Variants in CFAP299 observed in about 807,000 individuals in gnomAD.
The protein encoded by CFAP299 is cilia- and flagella-associated protein 299.
In CFAP299, 21 loss-of-function variants were observed where a neutral mutation model predicts 27.0. The observed-to-expected ratio is 0.78, with a 90% CI of 0.55 to 1.12. The LOEUF (loss-of-function observed/expected upper bound fraction) is 1.12, where lower values mean the gene tolerates loss of function less well. CFAP299 is among the 50% of genes most tolerant of loss of function. CFAP299 has a pLI of 0.00. For missense variants in CFAP299, 310 were observed against 276.6 expected, an observed-to-expected ratio of 1.12 and a Z score of -0.86; for synonymous variants, 104 against 98.1, an observed-to-expected ratio of 1.06 and a Z score of -0.36.
At chr4:80,615,142 T>A (rs189317698) in intron 3 of CFAP299, among the ~76,000 whole-genome samples, 2 of 152,326 alleles carry the variant, frequency 1.3e-5, no homozygotes, top group East Asian at 3.9e-4. Context: ...AGCCACTAAC[T>A]TTTGACTAAT....
chr4:80,633,411 G>A lies in CFAP299; in HGVS notation c.333+50228G>A, dbSNP rs189315621. Among the ~76,000 whole-genome samples, 30 of 152,146 alleles carry A rather than the reference G, an allele frequency of 2.0e-4. No individual in the cohort carries two copies. The East Asian group carries it at 5.8e-3, about 29-fold the overall frequency. ...CCGAGTGTCACGAGTGGAGTGTCAC[G>A]CCACTGCAATCCAGCCTGGGTGACA... On this transcript the variant is annotated intron_variant, in intron 3 of 5. Transcript: ENST00000358105.
At chr4:80,439,370 T>A (rs1276675058) in intron 2 of CFAP299, among the ~76,000 whole-genome samples, 2 of 152,036 alleles carry the variant, frequency 1.3e-5, no homozygotes, top group African/African-American at 4.8e-5. Flanking sequence ...TTGGGACTGG[T>A]TAGACAGTGG....
intron 3 of CFAP299, among the ~76,000 whole-genome samples, chr4:80,584,082 G>T: frequency 6.6e-6 from 1 of 151,874 alleles, no homozygotes; most frequent in Non-Finnish European, 1.5e-5. Context: ...AATTAACCCC[G>T]ACTTAAAATA....
intron 2 of CFAP299, among the ~76,000 whole-genome samples, chr4:80,566,222 T>C (rs1351936524): frequency 6.6e-6 from 1 of 152,116 alleles, no homozygotes; most frequent in Non-Finnish European, 1.5e-5. Context: ...TCAAGTTTTA[T>C]TAAAGGAGTA....
chr4:80,525,953 G>A (rs1733153609), intron 2 of CFAP299, among the ~76,000 whole-genome samples: 1 of 152,054 alleles, frequency 6.6e-6, no homozygotes, highest in African/African-American at 2.4e-5. Flanking sequence ...ATTAATTAAG[G>A]GCTTTTAATT....
At chr4:80,585,466 A>G (rs1456996212) in intron 3 of CFAP299, among the ~76,000 whole-genome samples, 1 of 152,130 alleles carries the variant, frequency 6.6e-6, no homozygotes, top group East Asian at 1.9e-4. Context: ...TTTTCCACTT[A>G]TCAGATCTCA....
intron 5 of CFAP299, among the ~76,000 whole-genome samples, chr4:80,952,105 A>G (rs1737810316): frequency 1.3e-5 from 2 of 152,300 alleles, no homozygotes; most frequent in Non-Finnish European, 1.5e-5. Flanking sequence ...AACAATACAC[A>G]TGACAGAAAC....
chr4:80,390,846 C>T (rs1560543831), intron 2 of CFAP299, among the ~76,000 whole-genome samples: 2 of 136,086 alleles, frequency 1.5e-5, no homozygotes, highest in Non-Finnish European at 3.2e-5. Flanking sequence ...TGTATATACA[C>T]ATATATGTAT....
At chr4:80,675,126 C>A (rs972808509) in intron 3 of CFAP299, among the ~76,000 whole-genome samples, 2 of 152,182 alleles carry the variant, frequency 1.3e-5, no homozygotes, top group Admixed American at 6.5e-5. Context: ...GAATTTTCAG[C>A]TTTTCTCCTC....
At chr4:80,817,885 G>A (rs1346734079) in intron 3 of CFAP299, among the ~76,000 whole-genome samples, 1 of 151,258 alleles carries the variant, frequency 6.6e-6, no homozygotes, top group Non-Finnish European at 1.5e-5. Context: ...GGATGTACAA[G>A]TTTGTTACAT....
At chr4:80,902,586 TACACACACACACACAC>T (rs3038572) in intron 4 of CFAP299, among the ~76,000 whole-genome samples, 6 of 126,670 alleles carry the variant, frequency 4.7e-5, no homozygotes, top group East Asian at 4.6e-4. Context: ...ATGTAATATA[TACACACACACACACAC>T]ACACACACAC....
chr4:80,913,715 T>C (rs982767189), intron 4 of CFAP299, among the ~76,000 whole-genome samples: 2 of 152,194 alleles, frequency 1.3e-5, no homozygotes, highest in South Asian at 2.1e-4. Context: ...ATAATCTACA[T>C]ACAATGAAAT....
chr4:80,800,176 A>G (rs1256181631), intron 3 of CFAP299, among the ~76,000 whole-genome samples: 4 of 70,836 alleles, frequency 5.6e-5, no homozygotes, highest in African/African-American at 2.6e-4. Context: ...CATATAATAT[A>G]TAATAATATG....
At chr4:80,683,715 A>G (rs1363691630) in intron 3 of CFAP299, among the ~76,000 whole-genome samples, 1 of 152,220 alleles carries the variant, frequency 6.6e-6, no homozygotes, top group African/African-American at 2.4e-5. Context: ...GTAAACTTAT[A>G]CATGTTTTAA....
intron 3 of CFAP299, among the ~76,000 whole-genome samples, chr4:80,599,508 A>T (rs1204670274): frequency 1.3e-5 from 2 of 152,142 alleles, no homozygotes; most frequent in Non-Finnish European, 2.9e-5. Context: ...AGGTAAAGTG[A>T]TGTAGTTAGT....
At chr4:80,827,577 C>A (rs1006145250) in intron 3 of CFAP299, among the ~76,000 whole-genome samples, 2 of 151,776 alleles carry the variant, frequency 1.3e-5, no homozygotes, top group African/African-American at 4.8e-5. Context: ...AACTAAAAAC[C>A]ATATATAAAA....
chr4:80,507,311 T>G, intron 2 of CFAP299, among the ~76,000 whole-genome samples: 1 of 152,118 alleles, frequency 6.6e-6, no homozygotes, highest in East Asian at 1.9e-4. Context: ...GATAAGAACA[T>G]TCTATGGGGG....
At chr4:80,949,961 C>T (rs1256752825) in intron 5 of CFAP299, among the ~76,000 whole-genome samples, 1 of 152,022 alleles carries the variant, frequency 6.6e-6, no homozygotes, top group African/African-American at 2.4e-5. Flanking sequence ...AACAGTAACC[C>T]AGGTGAAAAG....
intron 2 of CFAP299, among the ~76,000 whole-genome samples, chr4:80,447,119 GT>G (rs71641487): frequency 6.1e-5 from 4 of 65,502 alleles, no homozygotes; most frequent in African/African-American, 9.5e-5. Context: ...CTTTTTATTT[GT>G]TTTTTTTTTG....
Sources: gnomAD v4.1 joint callset for allele counts (sites outside exome capture counted in the v4.1 genomes callset) on GRCh38, gnomAD v4.1.1 for gene constraint, MANE v1.5 for transcripts, NCBI Gene and HGNC (gene_info 2026-07-23, HGNC 2026-07-21) for gene names.